SLC26A5: variants seen among roughly 807,000 people sequenced by gnomAD.
SLC26A5 encodes solute carrier family 26 member 5.
Under a neutral mutation model 81.0 loss-of-function variants are expected in SLC26A5, and 51 were observed. The ratio of observed to expected loss-of-function variants is 0.63; its 90% CI spans 0.50 to 0.80. The LOEUF is 0.80. Among genes scored for constraint, SLC26A5 ranks in the 30% least tolerant of loss-of-function variants. The pLI is 0.00. For synonymous variants in SLC26A5, 325 were observed against 332.8 expected (o/e 0.98, Z 0.25); for missense variants, 771 against 905.8 (o/e 0.85, Z 1.91).
chr7:103,396,812 T>G (rs746141931), intron 9 of SLC26A5, among the ~76,000 whole-genome samples: 68 of 152,160 alleles, frequency 4.5e-4, no homozygotes, highest in Admixed American at 3.1e-3. Context: ...TGATTAAGAT[T>G]TGCTGGGCGT....
intron 13 of SLC26A5, 40 bp downstream of exon 13, chr7:103,389,289 T>C: frequency 7.0e-7 from 1 of 1,432,568 alleles, no homozygotes; most frequent in Non-Finnish European, 9.9e-7. Context: ...TCATATCTGC[T>C]CTATGACATA....
chr7:103,414,306 C>T (rs1356365601), intron 4 of SLC26A5, among the ~76,000 whole-genome samples: 1 of 151,888 alleles, frequency 6.6e-6, no homozygotes, highest in African/African-American at 2.4e-5. Flanking sequence ...CCACCTCAGC[C>T]TCCCTAGTAG....
At chr7:103,394,082 T>A (rs1822893907) in intron 9 of SLC26A5, among the ~76,000 whole-genome samples, 3 of 152,144 alleles carry the variant, frequency 2.0e-5, no homozygotes, top group Admixed American at 1.3e-4. Context: ...ATCTACCAAG[T>A]ACAACAAAAC....
intron 2 of SLC26A5, among the ~76,000 whole-genome samples, chr7:103,439,159 G>A (rs954715070): frequency 4.6e-5 from 7 of 152,150 alleles, no homozygotes; most frequent in African/African-American, 1.7e-4. Context: ...AGGAGGGGCA[G>A]ACTTATCTTC....
intron 2 of SLC26A5, among the ~76,000 whole-genome samples, chr7:103,437,039 G>C (rs943486808): frequency 6.6e-6 from 1 of 152,156 alleles, no homozygotes; most frequent in Non-Finnish European, 1.5e-5. Context: ...CCACACATCT[G>C]ACAAGTGCTT....
intron 2 of SLC26A5, among the ~76,000 whole-genome samples, chr7:103,431,626 A>G (rs1375621937): frequency 6.6e-6 from 1 of 152,102 alleles, no homozygotes; most frequent in Non-Finnish European, 1.5e-5. Flanking sequence ...GTAGCCAGCC[A>G]CCATTTTCTT....
intron 8 of SLC26A5, among the ~76,000 whole-genome samples, chr7:103,401,389 T>C (rs1823575659): frequency 6.6e-6 from 1 of 152,220 alleles, no homozygotes; most frequent in Non-Finnish European, 1.5e-5. Flanking sequence ...ATAGGAATGC[T>C]TGTGATTTTT....
intron 19 of SLC26A5, chr7:103,353,900 G>T (rs201606134): frequency 2.6e-5 from 42 of 1,594,598 alleles, no homozygotes; most frequent in Non-Finnish European, 3.3e-5. Context: ...TGAATCTCAC[G>T]TATTGTCTCT....
intron 19 of SLC26A5, among the ~76,000 whole-genome samples, chr7:103,376,336 G>A (rs1272275844): frequency 5.3e-5 from 8 of 151,236 alleles, no homozygotes; most frequent in East Asian, 2.0e-4. Context: ...TTGGCCTCCC[G>A]AAGTGCTGGG....
At chr7:103,362,098 C>A (rs1156426863) in intron 19 of SLC26A5, 2 of 1,612,136 alleles carry the variant, frequency 1.2e-6, no homozygotes, top group Admixed American at 1.7e-5. Context: ...GGTAAGATTT[C>A]TATTTACAAT....
At chr7:103,421,868 T>C (rs1054222146) in intron 2 of SLC26A5, among the ~76,000 whole-genome samples, 2 of 152,198 alleles carry the variant, frequency 1.3e-5, no homozygotes, top group African/African-American at 4.8e-5. Context: ...ATAAGAGGAA[T>C]TGCAAATTAG....
intron 2 of SLC26A5, among the ~76,000 whole-genome samples, chr7:103,425,562 C>T (rs1825658201): frequency 1.3e-5 from 2 of 152,094 alleles, no homozygotes; most frequent in Admixed American, 1.3e-4. Flanking sequence ...GAAATTAATA[C>T]TGAATCAGTG....
At chr7:103,404,826 C>T (rs1011087350) in intron 8 of SLC26A5, among the ~76,000 whole-genome samples, 10 of 152,138 alleles carry the variant, frequency 6.6e-5, no homozygotes, top group Non-Finnish European at 1.3e-4. Flanking sequence ...ACCAGTCAAA[C>T]GTAGGTTTGG....
intron 8 of SLC26A5, among the ~76,000 whole-genome samples, chr7:103,400,655 G>T (rs1823515687): frequency 6.6e-6 from 1 of 152,202 alleles, no homozygotes; most frequent in African/African-American, 2.4e-5. Flanking sequence ...CCTATGTCCT[G>T]AATGGTACTG....
chr7:103,379,198 C>T lies in SLC26A5; in HGVS notation c.1677+45G>A, dbSNP rs1425086769. ...CTAGTGATCCTCATATCCCTGTCAA[C>T]CCACAAATCCCATCCTCAGAAATAA... On this transcript the variant is annotated intron_variant, in intron 16 of 19. Coordinates refer to ENST00000306312, the MANE Select transcript of SLC26A5 (RefSeq NM_198999.3). 1.2e-5 allele frequency: 16 copies of T among 1,379,412 alleles called. No homozygotes were observed. The Admixed American group carries it at 2.5e-4, about 22-fold the overall frequency. 85.4% of individuals were successfully genotyped at this position (1,379,412 alleles called of 1,614,324 possible).
chr7:103,372,960 T>C (rs1440796602), downstream of SLC26A5, among the ~76,000 whole-genome samples: 1 of 150,616 alleles, frequency 6.6e-6, no homozygotes, highest in Non-Finnish European at 1.5e-5. Context: ...ATGAAAATAA[T>C]AAAGCATTCA....
chr7:103,425,594 A>T (rs1278415933), intron 2 of SLC26A5, among the ~76,000 whole-genome samples: 1 of 152,218 alleles, frequency 6.6e-6, no homozygotes, highest in African/African-American at 2.4e-5. Flanking sequence ...GCCTCATAAG[A>T]TCATTTTTTA....
intron 19 of SLC26A5, chr7:103,368,988 C>A (rs1322257007): frequency 6.6e-6 from 1 of 152,134 alleles, no homozygotes; most frequent in Non-Finnish European, 1.5e-5. Context: ...ACCACAATTA[C>A]CCCTTCCCCC....
chr7:103,385,017 G>C (rs970063328), intron 14 of SLC26A5, among the ~76,000 whole-genome samples: 1 of 152,128 alleles, frequency 6.6e-6, no homozygotes, highest in Admixed American at 6.5e-5. Context: ...TACCTATTTA[G>C]AGAAATTATA....
Sources: allele counts gnomAD v4.1 joint callset (sites outside exome capture counted in the v4.1 genomes callset), GRCh38; gene constraint gnomAD v4.1.1; transcripts MANE v1.5; gene names NCBI Gene and HGNC (gene_info 2026-07-23, HGNC 2026-07-21).